DNAH8: variants seen among roughly 807,000 people sequenced by gnomAD.
The protein encoded by DNAH8 is dynein axonemal heavy chain 8, also known as axonemal beta dynein heavy chain 8.
Under a neutral mutation model 562.1 loss-of-function variants are expected in DNAH8, and 382 were observed. The observed-to-expected ratio is 0.68, with a 90% CI of 0.63 to 0.74. The LOEUF (loss-of-function observed/expected upper bound fraction) is 0.74. Ranked by LOEUF, DNAH8 falls within the 30% of genes least tolerant of loss-of-function variation. DNAH8 has a pLI of 0.00. For synonymous variants in DNAH8, 1,881 were observed against 1,919.4 expected, an observed-to-expected ratio of 0.98 and a Z score of 0.52; for missense variants, 5,203 against 5,620.4, an observed-to-expected ratio of 0.93 and a Z score of 2.37.
chr6:38,788,480 TG>T (rs1200945733), intron 18 of DNAH8, among the ~76,000 whole-genome samples: 1 of 152,190 alleles, frequency 6.6e-6, no homozygotes, highest in Non-Finnish European at 1.5e-5. Flanking sequence ...ATAGCCCTCC[TG>T]GTGAGTGTGA....
At chr6:38,945,988 A>T (rs1229656901) in intron 80 of DNAH8, among the ~76,000 whole-genome samples, 1 of 152,212 alleles carries the variant, frequency 6.6e-6, no homozygotes. Flanking sequence ...TAAAAAATTA[A>T]TTATTTTAGT....
chr6:38,790,110 G>A (rs1209900728), intron 19 of DNAH8, among the ~76,000 whole-genome samples, 179 bp from the exon 20 acceptor site: 4 of 150,816 alleles, frequency 2.7e-5, no homozygotes, highest in Admixed American at 6.6e-5. Context: ...GAAAATTCAT[G>A]ATTGTTTCCT....
intron 92 of DNAH8, among the ~76,000 whole-genome samples, chr6:39,028,993 A>T (rs1360229762): frequency 6.6e-6 from 1 of 152,176 alleles, no homozygotes; most frequent in African/African-American, 2.4e-5. Context: ...CTCACTGGAG[A>T]TGGAAAAACG....
chr6:38,947,750 CT>C (rs34044479), intron 80 of DNAH8, among the ~76,000 whole-genome samples: 38 of 146,760 alleles, frequency 2.6e-4, no homozygotes, highest in East Asian at 4.0e-4. Context: ...AAATCCTCTT[CT>C]TTTTTTTTTT....
chr6:38,719,603 T>C (rs929350816), intron 1 of DNAH8, among the ~76,000 whole-genome samples: 1 of 152,186 alleles, frequency 6.6e-6, no homozygotes, highest in Non-Finnish European at 1.5e-5. Flanking sequence ...TATATATTTC[T>C]TCATCCAATC....
chr6:38,728,065 G>A (rs1233968685), intron 3 of DNAH8, among the ~76,000 whole-genome samples: 3 of 151,916 alleles, frequency 2.0e-5, no homozygotes, highest in Admixed American at 6.6e-5. Flanking sequence ...TCCCAGACTC[G>A]GGCCATCCTC....
chr6:38,929,570 C>T lies in DNAH8; in HGVS notation c.11178C>T (p.Gly3726=). ...ACTTGGAGGACAGCCTTTCCTTGGG[C>T]CGACCCCTTCTCATTGAGGACATTC... ...RTHLEDSLSL[G]RPLLIEDIHE... is the part of the protein sequence containing the mutation. The change falls in exon 75 of 93, where the codon GGC becomes GGT. Residue 3726 remains glycine, a synonymous_variant. Coordinates refer to ENST00000327475, the MANE Select transcript of DNAH8 (RefSeq NM_001206927.2). 6.2e-7 allele frequency: 1 copy of T among 1,612,606 alleles called. No homozygotes were observed. The highest frequency in any genetic ancestry group is 8.5e-7 in the Non-Finnish European group (1 of 1,179,336).
intron 91 of DNAH8, among the ~76,000 whole-genome samples, chr6:39,015,009 A>G (rs1403111844): frequency 1.3e-5 from 2 of 152,110 alleles, no homozygotes; most frequent in African/African-American, 4.8e-5. Flanking sequence ...CTGAGAGAGC[A>G]AGGAGGGACA....
At chr6:38,921,220 G>T in intron 70 of DNAH8, 149 bp from the exon 71 acceptor site, 1 of 869,238 alleles carries the variant, frequency 1.2e-6, no homozygotes. Context: ...TACCCTCCAA[G>T]ACGCTTTGCT....
intron 82 of DNAH8, among the ~76,000 whole-genome samples, chr6:38,962,627 G>A (rs1457185441): frequency 6.6e-6 from 1 of 152,066 alleles, no homozygotes; most frequent in Non-Finnish European, 1.5e-5. Flanking sequence ...ATGTTAGGTC[G>A]ATTAAGGCAT....
chr6:38,860,506 G>C lies in DNAH8; in HGVS notation c.6008G>C (p.Ser2003Thr). The change falls in exon 43 of 93, where the codon AGT (serine) becomes ACT (threonine). Residue 2003 changes from serine (S) to threonine (T), a missense_variant. Physicochemically the swap from Ser to Thr is moderately conservative, Grantham distance 58 (BLOSUM62 1). Transcript: ENST00000327475. ...ACTGACTTTGAATGGCTAAAACAGA[G>C]TAGATTTTATTTTAAGGAAGATTTG... ...SPTDFEWLKQ[S>T]RFYFKEDLDQ... 1 of 1,502,078 alleles carries C rather than the reference G, an allele frequency of 6.7e-7. No individual in the cohort carries two copies. Among genetic ancestry groups the C allele is most frequent in the South Asian group, 1.4e-5 (1 of 70,112 alleles). 93.0% of individuals were successfully genotyped at this position (1,502,078 alleles called of 1,614,324 possible).
chr6:38,909,624 C>G lies in DNAH8; in HGVS notation c.9620C>G (p.Ala3207Gly). 1 of 1,614,112 alleles carries G rather than the reference C, an allele frequency of 6.2e-7. No individual in the cohort carries two copies. The highest frequency in any genetic ancestry group is 8.5e-7 in the Non-Finnish European group (1 of 1,179,982). Residue 3207 changes from alanine to glycine, a missense_variant, in exon 65 of 93, where the codon GCC becomes GGC. This residue lies in a region of DNAH8 where 977 missense variants were observed against 1,061.8 expected (regional missense o/e 0.92). Coordinates refer to ENST00000327475, the MANE Select transcript of DNAH8 (RefSeq NM_001206927.2). ...RWPREALIAV[A>G]SYFLSDYNIV... is the part of the protein sequence containing the mutation. ...CCAAGGGAGGCTCTGATTGCTGTGG[C>G]CTCCTACTTCCTTTCAGACTATAAT...
chr6:38,853,285 T>C lies in DNAH8; in HGVS notation c.5671T>C (p.Phe1891Leu). 1 of 1,613,492 alleles carries C rather than the reference T, an allele frequency of 6.2e-7. No individual in the cohort carries two copies. The highest frequency in any genetic ancestry group is 8.5e-7 in the Non-Finnish European group (1 of 1,179,758). The change falls in exon 41 of 93, where the codon TTC becomes CTC. Residue 1891 changes from phenylalanine to leucine, a missense_variant. Coordinates refer to ENST00000327475, the MANE Select transcript of DNAH8 (RefSeq NM_001206927.2). ...SSLHNIIRSA[F>L]YQISDSGFQL... ...ATTACATAATATAATTAGATCCGCT[T>C]TCTATCAAATCAGTGATTCAGGATT...
rs373924605 is a variant in DNAH8, at chr6:38,843,452, T to C, written c.4845+549T>C. Among the ~76,000 whole-genome samples the C allele has an allele frequency of 1.6e-4, 25 of 152,204 alleles. No homozygotes were observed. In the East Asian group the frequency reaches 1.9e-3, roughly 12 times the overall value. On this transcript the variant is annotated intron_variant, in intron 35 of 92. Transcript: ENST00000327475. ...CCCAGATCTGTAGGTTTCAAATCTA[T>C]AGATTTATAGATGTCTTCGCTTATC...
intron 62 of DNAH8, among the ~76,000 whole-genome samples, chr6:38,905,154 G>T (rs862438): frequency 0.74 from 112,812 of 152,076 alleles, 42,498 homozygotes; most frequent in African/African-American, 0.86. Context: ...CTGGTTCCAG[G>T]GCTCATAGTC....
Position 38,949,442 on chromosome 6 carries a change from C to T in DNAH8, c.12130-10C>T, listed in dbSNP as rs1471332909. 1.3e-6 allele frequency: 2 copies of T among 1,566,618 alleles called. No individual in the cohort carries two copies. The highest frequency in any genetic ancestry group is 2.7e-5 in the African/African-American group (2 of 73,994). ...GTTCTGTGGCTTGCTAATTGGCTTGCTTCTTTTAGATATCTCGTAATGAGA... is the reference window on the plus strand; with the variant it reads ...GTTCTGTGGCTTGCTAATTGGCTTGTTTCTTTTAGATATCTCGTAATGAGA... On this transcript the variant is annotated splice_polypyrimidine_tract_variant and intron_variant, in intron 80 of 92. Transcript: ENST00000327475.
intron 44 of DNAH8, among the ~76,000 whole-genome samples, chr6:38,862,847 G>C (rs2150411204): frequency 1.3e-5 from 2 of 152,220 alleles, no homozygotes; most frequent in East Asian, 3.9e-4. Context: ...ATCAGCAGAT[G>C]GAAAATTTTG....
intron 33 of DNAH8, among the ~76,000 whole-genome samples, chr6:38,841,621 C>G (rs1056188435): frequency 2.0e-5 from 3 of 152,140 alleles, no homozygotes; most frequent in African/African-American, 2.4e-5. Context: ...TCCACAAATT[C>G]TGTTGAGTGG....
intron 1 of DNAH8, among the ~76,000 whole-genome samples, chr6:38,719,150 T>G (rs907440182): frequency 6.6e-6 from 1 of 152,326 alleles, no homozygotes; most frequent in South Asian, 2.1e-4. Context: ...AATTCTTGTC[T>G]GGGCTGGATT....
Sources: allele counts gnomAD v4.1 joint callset (sites outside exome capture counted in the v4.1 genomes callset), GRCh38; gene constraint gnomAD v4.1.1; regional missense constraint gnomAD v4.1.1; transcripts MANE v1.5; gene names NCBI Gene and HGNC (gene_info 2026-07-23, HGNC 2026-07-21).